Variants in MEI1 observed in about 807,000 individuals in gnomAD.
The protein encoded by MEI1 is meiotic double-stranded break formation protein 1, also known as meiosis inhibitor protein 1.
In MEI1, 103 loss-of-function variants were observed where a neutral mutation model predicts 146.2. The ratio of observed to expected loss-of-function variants is 0.70; its 90% CI spans 0.60 to 0.83. The LOEUF (loss-of-function observed/expected upper bound fraction) is 0.83, where lower values mean the gene tolerates loss of function less well. Among genes scored for constraint, MEI1 ranks in the 40% least tolerant of loss-of-function variants. The probability of loss-of-function intolerance (pLI) is 0.00; values close to 1 mark genes in which losing one functional copy is unlikely to be tolerated. For missense variants in MEI1, 1,529 were observed against 1,533.0 expected (o/e 1.00, Z 0.04); for synonymous variants, 652 against 628.2 (o/e 1.04, Z -0.57).
chr22:41,742,971 A>G (rs545139585), intron 11 of MEI1, 109 bp from the exon 12 acceptor site: 121 of 720,746 alleles, frequency 1.7e-4, no homozygotes, highest in African/African-American at 4.4e-4. Context: ...ATCAGATTAG[A>G]TTCCATGTTC....
intron 27 of MEI1, 88 bp from the exon 28 acceptor site, chr22:41,794,283 C>T (rs994489617): frequency 2.7e-6 from 3 of 1,130,256 alleles, no homozygotes; most frequent in Non-Finnish European, 4.0e-6. Flanking sequence ...ACTGGGTAGC[C>T]CCTTTTTAAG....
At position 41,796,717 on chromosome 22, in the gene MEI1, G is replaced by A. The variant is rs12330089; in HGVS notation, c.3779+870G>A. On this transcript the variant is annotated intron_variant, in intron 30 of 30. Coordinates refer to ENST00000401548, the MANE Select transcript of MEI1 (RefSeq NM_152513.4). ...TTTGTTTCATGAATAGGCCAAGTGC[G>A]GTGGCTCACGCCTGAGGCCAGGAGT... is the stretch of plus-strand genomic sequence containing the variant. Among the ~76,000 whole-genome samples, 656 of 152,220 alleles carry A rather than the reference G, an allele frequency of 4.3e-3. 2 individuals carry two copies. Among genetic ancestry groups the A allele is most frequent in the African/African-American group, 0.015 (614 of 41,542 alleles).
chr22:41,746,017 C>T lies in MEI1; in HGVS notation c.1671C>T (p.Pro557=). Residue 557 remains proline (P), a synonymous_variant, in exon 14 of 31, where the codon CCC becomes CCT. Coordinates refer to ENST00000401548, the MANE Select transcript of MEI1 (RefSeq NM_152513.4). ...GTGCCTGTGACTCGCTGTGTATCCCCATGGTGATGGTGGGTTCTCCTGAGC... is the reference window on the plus strand; with the variant it reads ...GTGCCTGTGACTCGCTGTGTATCCCTATGGTGATGGTGGGTTCTCCTGAGC... ...LLSACDSLCI[P]MVMRHLEQTT... is the part of the protein sequence containing the mutation. The T allele has an allele frequency of 1.3e-6, 2 of 1,599,654 alleles. No individual in the cohort carries two copies. Among genetic ancestry groups the T allele is most frequent in the Non-Finnish European group, 1.7e-6 (2 of 1,172,324 alleles).
At chr22:41,782,186 A>C (rs2075782165) in intron 24 of MEI1, among the ~76,000 whole-genome samples, 2 of 152,178 alleles carry the variant, frequency 1.3e-5, no homozygotes, top group African/African-American at 4.8e-5. Flanking sequence ...ATAGTGGGAG[A>C]AGGCATTCCA....
chr22:41,775,287 A>AC (rs2075381463), intron 20 of MEI1, among the ~76,000 whole-genome samples: 1 of 152,182 alleles, frequency 6.6e-6, no homozygotes, highest in African/African-American at 2.4e-5. Context: ...CCTGGTCCTC[A>AC]CTTGCCTTTC....
chr22:41,732,175 T>G, intron 9 of MEI1, 70 bp from the exon 10 acceptor site: 2 of 1,253,582 alleles, frequency 1.6e-6, no homozygotes, highest in Non-Finnish European at 2.3e-6. Context: ...GCCTGTCACC[T>G]CTTCTGGGTG....
chr22:41,712,017 CAT>C lies in MEI1; in HGVS notation c.350-1984_350-1983del, dbSNP rs1167252367. Among the ~76,000 whole-genome samples, 6 of 151,246 alleles carry C rather than the reference CAT, an allele frequency of 4.0e-5. 1 individual carries two copies. The highest frequency in any genetic ancestry group is 1.5e-4 in the African/African-American group (6 of 41,100). ...AGGAGTTCGAGACCAGCCTGGCCAA[CAT>C]GTAGAAGCCCCATCTCTACTAAAAG... On this transcript the variant is annotated intron_variant, in intron 3 of 30. Coordinates refer to ENST00000401548, the MANE Select transcript of MEI1 (RefSeq NM_152513.4).
intron 2 of MEI1, among the ~76,000 whole-genome samples, chr22:41,704,939 C>T (rs964721602): frequency 1.6e-4 from 25 of 152,136 alleles, no homozygotes; most frequent in African/African-American, 5.8e-4. Context: ...TGGTCTCGAT[C>T]TCCTGACCTC....
intron 3 of MEI1, among the ~76,000 whole-genome samples, chr22:41,712,074 G>A (rs1161898776): frequency 1.3e-5 from 2 of 150,364 alleles, no homozygotes; most frequent in African/African-American, 2.4e-5. Context: ...GTGGGGGGCG[G>A]GTGCCTGTAA....
Position 41,784,789 on chromosome 22 carries a change from G to A in MEI1, c.3345+6G>A. The A allele has an allele frequency of 6.3e-7, 1 of 1,590,654 alleles. No individual in the cohort carries two copies. The highest frequency in any genetic ancestry group is 8.6e-7 in the Non-Finnish European group (1 of 1,165,774). On this transcript the variant is annotated splice_donor_region_variant and intron_variant, in intron 26 of 30. Coordinates refer to ENST00000401548, the MANE Select transcript of MEI1 (RefSeq NM_152513.4). Reference sequence around the variant, plus strand: ...TGCAGAACCTCCTGGTGCAGGTAAGGCCCTTGCTGAGTGGGGCTTGCTTCT... The same window carrying A: ...TGCAGAACCTCCTGGTGCAGGTAAGACCCTTGCTGAGTGGGGCTTGCTTCT...
Position 41,763,245 on chromosome 22 carries a change from G to GC in MEI1, c.2198dup (p.Leu734ThrfsTer23), listed in dbSNP as rs771474678. 3 of 1,613,776 alleles carry GC rather than the reference G, an allele frequency of 1.9e-6. No individual in the cohort carries two copies. The highest frequency in any genetic ancestry group is 2.5e-6 in the Non-Finnish European group (3 of 1,179,792). On this transcript the variant is annotated frameshift_variant, in exon 19 of 31. Coordinates refer to ENST00000401548, the MANE Select transcript of MEI1 (RefSeq NM_152513.4). LOFTEE classifies it high-confidence loss of function. ...CTGTCGCTGCAGGACCAGGGCGAGC[G>GC]CCCCCCACTGGTGGTCTTCAAAGCC... is the stretch of plus-strand genomic sequence containing the variant.
At chr22:41,725,118 A>AT (rs113532831) in intron 7 of MEI1, among the ~76,000 whole-genome samples, 1,874 of 145,640 alleles carry the variant, frequency 0.013, 40 homozygotes, top group African/African-American at 0.045. Flanking sequence ...GTAAATTATT[A>AT]TTATTTTTTT....
At chr22:41,754,091 TTA>T in intron 17 of MEI1, 45 bp downstream of exon 17, 2 of 1,436,022 alleles carry the variant, frequency 1.4e-6, no homozygotes, top group East Asian at 4.5e-5. Flanking sequence ...GTGCTGGTCT[TTA>T]GAGTCTGGGT....
intron 21 of MEI1, among the ~76,000 whole-genome samples, chr22:41,776,964 GC>G (rs1480248837): frequency 6.6e-6 from 1 of 150,902 alleles, no homozygotes; most frequent in Admixed American, 6.6e-5. Context: ...ACAGGTGTGT[GC>G]CACGACACCC....
intron 6 of MEI1, among the ~76,000 whole-genome samples, chr22:41,721,195 C>T (rs184829303): frequency 1.3e-5 from 2 of 151,342 alleles, no homozygotes; most frequent in Admixed American, 6.6e-5. Context: ...GCCTCGGCCT[C>T]CCAAAGTGCT....
chr22:41,712,937 T>C (rs1569155647), intron 3 of MEI1, among the ~76,000 whole-genome samples: 1 of 151,312 alleles, frequency 6.6e-6, no homozygotes, highest in Non-Finnish European at 1.5e-5. Context: ...GCCTCCTGAG[T>C]AGCTGGGACC....
chr22:41,706,657 T>G (rs2069115236), intron 3 of MEI1, among the ~76,000 whole-genome samples: 1 of 151,508 alleles, frequency 6.6e-6, no homozygotes, highest in African/African-American at 2.4e-5. Flanking sequence ...GAGGTGACAG[T>G]GAGCTATGAT....
At chr22:41,717,517 C>T (rs1435546947) in intron 5 of MEI1, among the ~76,000 whole-genome samples, 2 of 152,010 alleles carry the variant, frequency 1.3e-5, no homozygotes, top group African/African-American at 4.8e-5. Flanking sequence ...AGGTTGGTCT[C>T]AACCTGCTGG....
At chr22:41,717,207 G>T (rs1024880644) in intron 5 of MEI1, among the ~76,000 whole-genome samples, 1 of 151,922 alleles carries the variant, frequency 6.6e-6, no homozygotes, top group East Asian at 1.9e-4. Flanking sequence ...GACAGAACCG[G>T]GCTACAGCGC....
Sources: allele counts gnomAD v4.1 joint callset (sites outside exome capture counted in the v4.1 genomes callset), GRCh38; gene constraint gnomAD v4.1.1; transcripts MANE v1.5; gene names NCBI Gene and HGNC (gene_info 2026-07-23, HGNC 2026-07-21).